The following ALX4 variants were observed in gnomAD, a reference collection of about 807,000 sequenced individuals.
The protein encoded by ALX4 is ALX homeobox 4.
Under a neutral mutation model 40.6 loss-of-function variants are expected in ALX4, and 22 were observed. The ratio of observed to expected loss-of-function variants is 0.54; its 90% CI spans 0.39 to 0.77. The LOEUF is 0.77. Among genes scored for constraint, ALX4 ranks in the 30% least tolerant of loss-of-function variants. The pLI, the probability that ALX4 is intolerant of heterozygous loss-of-function variation, is 0.00. For synonymous variants in ALX4, 266 were observed against 240.5 expected, an observed-to-expected ratio of 1.11 and a Z score of -0.98; for missense variants, 556 against 564.8, an observed-to-expected ratio of 0.98 and a Z score of 0.16.
intron 1 of ALX4, among the ~76,000 whole-genome samples, chr11:44,276,274 T>C (rs1956277486): frequency 6.6e-6 from 1 of 152,206 alleles, no homozygotes; most frequent in Admixed American, 6.5e-5. Context: ...GTCTCACCTA[T>C]TGTTCAAGAG....
In ALX4 at chr11:44,262,375, A is replaced by G. The variant is rs897004; in HGVS notation, c.*2479T>C. 40,648 of 152,198 alleles carry G rather than the reference A, an allele frequency of 0.27. 6,295 individuals carry two copies. Among genetic ancestry groups the G allele is most frequent in the Admixed American group, 0.42 (6,470 of 15,300 alleles). 9.4% of individuals were successfully genotyped at this position (152,198 alleles called of 1,614,324 possible). On this transcript the variant is annotated 3_prime_UTR_variant, in exon 4 of 4. Coordinates refer to ENST00000652299, the MANE Select transcript of ALX4 (RefSeq NM_021926.4). The stretch of plus-strand genomic sequence containing the variant: ...GGCTGCCTTTGACGAGATGAACAGG[A>G]ATGTTTCACATTGGCATGTTTAATC...
chr11:44,295,671 G>A (rs1024558346), intron 1 of ALX4, among the ~76,000 whole-genome samples: 1 of 152,224 alleles, frequency 6.6e-6, no homozygotes, highest in Non-Finnish European at 1.5e-5. Flanking sequence ...AAATATGCAT[G>A]GGGCCAACAG....
intron 2 of ALX4, among the ~76,000 whole-genome samples, chr11:44,269,324 A>G (rs138915596): frequency 1.3e-5 from 2 of 152,342 alleles, no homozygotes; most frequent in East Asian, 3.9e-4. Context: ...TGTTTAGAGT[A>G]CTTCCCATTT....
At chr11:44,285,036 C>T (rs1165654798) in intron 1 of ALX4, among the ~76,000 whole-genome samples, 3 of 152,048 alleles carry the variant, frequency 2.0e-5, no homozygotes, top group Non-Finnish European at 4.4e-5. Flanking sequence ...GCACTCTTGG[C>T]TCAGTGCAAC....
At chr11:44,274,287 T>C (rs896284785) in intron 2 of ALX4, among the ~76,000 whole-genome samples, 10 of 151,734 alleles carry the variant, frequency 6.6e-5, no homozygotes, top group Non-Finnish European at 1.3e-4. Flanking sequence ...TCAGGTTCCA[T>C]TGTGTTGTGT....
chr11:44,293,214 A>G (rs554587048), intron 1 of ALX4, among the ~76,000 whole-genome samples: 1 of 151,784 alleles, frequency 6.6e-6, no homozygotes, highest in Admixed American at 6.6e-5. Flanking sequence ...GAAGGAAGGA[A>G]GAAAATGGTT....
At chr11:44,296,374 T>C (rs1590701626) in intron 1 of ALX4, among the ~76,000 whole-genome samples, 1 of 152,034 alleles carries the variant, frequency 6.6e-6, no homozygotes, top group East Asian at 1.9e-4. Flanking sequence ...TAGGCGAAAA[T>C]CCTCCTGACA....
chr11:44,306,964 T>G (rs1200571102), intron 1 of ALX4, among the ~76,000 whole-genome samples: 4 of 152,122 alleles, frequency 2.6e-5, no homozygotes, highest in Non-Finnish European at 2.9e-5. Context: ...GACTTGCTGT[T>G]TATTGTTTGT....
At chr11:44,267,020 C>G (rs1956217230) in intron 3 of ALX4, among the ~76,000 whole-genome samples, 1 of 152,190 alleles carries the variant, frequency 6.6e-6, no homozygotes, top group Admixed American at 6.5e-5. Flanking sequence ...GAAACTGAGG[C>G]TCAGAGATTT....
chr11:44,280,731 G>A (rs966407332), intron 1 of ALX4, among the ~76,000 whole-genome samples: 6 of 152,174 alleles, frequency 3.9e-5, no homozygotes, highest in East Asian at 3.9e-4. Context: ...TGTTGTGCAC[G>A]CAGTGTGGCC....
At chr11:44,288,860 G>A (rs192661309) in intron 1 of ALX4, among the ~76,000 whole-genome samples, 1 of 152,264 alleles carries the variant, frequency 6.6e-6, no homozygotes, top group East Asian at 1.9e-4. Context: ...ATAAAAAAAA[G>A]AAATGGTGGA....
chr11:44,309,019 G>T (rs1427828715), intron 1 of ALX4, among the ~76,000 whole-genome samples: 1 of 152,248 alleles, frequency 6.6e-6, no homozygotes, highest in African/African-American at 2.4e-5. Flanking sequence ...AGTGCGCCTG[G>T]ATTTCCCGTG....
chr11:44,280,580 C>T (rs2119824024), intron 1 of ALX4, among the ~76,000 whole-genome samples: 1 of 152,308 alleles, frequency 6.6e-6, no homozygotes, highest in East Asian at 1.9e-4. Context: ...TGTCCCAGGG[C>T]TGAGGCTATG....
intron 1 of ALX4, among the ~76,000 whole-genome samples, chr11:44,293,407 C>T (rs1448385027): frequency 1.6e-5 from 1 of 60,822 alleles, no homozygotes; most frequent in East Asian, 3.4e-4. Context: ...GGCAAAACCC[C>T]ATCTTAAAAA....
intron 1 of ALX4, among the ~76,000 whole-genome samples, chr11:44,279,311 C>G (rs1431780619): frequency 1.3e-5 from 2 of 152,244 alleles, no homozygotes; most frequent in Non-Finnish European, 2.9e-5. Flanking sequence ...TGCCACCCCT[C>G]TGAGTCTCCC....
At chr11:44,284,973 T>G (rs1201582547) in intron 1 of ALX4, among the ~76,000 whole-genome samples, 6 of 149,794 alleles carry the variant, frequency 4.0e-5, no homozygotes, top group Admixed American at 6.6e-5. Context: ...AACTTTTGTG[T>G]TTTTTTTTGA....
In ALX4 at chr11:44,275,394, C is replaced by T. The variant is rs1426973957; in HGVS notation, c.731G>A (p.Arg244Gln). Residue 244 changes from arginine to glutamine, a missense_variant, in exon 2 of 4, where the codon CGG (arginine) becomes CAG (glutamine). Physicochemically the swap from Arg to Gln is conservative, Grantham distance 43. Coordinates refer to ENST00000652299, the MANE Select transcript of ALX4 (RefSeq NM_021926.4). ...GTCTGTCCTCATGGCCAGCTGTTCC[C>T]GCGCATACACGTCTGGGTAGTGGGT... ...QKTHYPDVYAREQLAMRTDLT... is the reference protein window; with the variant it reads ...QKTHYPDVYAQEQLAMRTDLT... The T allele has an allele frequency of 1.9e-6, 3 of 1,614,198 alleles. No homozygotes were observed. Among genetic ancestry groups the T allele is most frequent in the Non-Finnish European group, 1.7e-6 (2 of 1,180,038 alleles).
At chr11:44,306,417 C>T (rs1312326805) in intron 1 of ALX4, among the ~76,000 whole-genome samples, 4 of 152,252 alleles carry the variant, frequency 2.6e-5, no homozygotes, top group African/African-American at 9.6e-5. Context: ...GGGCACCTTC[C>T]TTGCCGAGAG....
intron 1 of ALX4, among the ~76,000 whole-genome samples, chr11:44,309,228 C>CCGCAGCCCCGCAGCCCCGCAGCCT (rs1956490082): frequency 6.6e-6 from 1 of 151,658 alleles, no homozygotes; most frequent in African/African-American, 2.4e-5. Context: ...CCCCGCAGCC[C>CCGCAGCCCCGCAGCCCCGCAGCCT]AGCGCCAGAG....
Sources: gnomAD v4.1 joint callset for allele counts (sites outside exome capture counted in the v4.1 genomes callset) on GRCh38, gnomAD v4.1.1 for gene constraint, MANE v1.5 for transcripts, NCBI Gene and HGNC (gene_info 2026-07-23, HGNC 2026-07-21) for gene names.